The following ATP7B variants were observed in gnomAD, a reference collection of about 807,000 sequenced individuals.
ATP7B encodes the protein copper-transporting ATPase 2.
A neutral mutation model predicts 118.9 loss-of-function variants in ATP7B; 113 were observed. The ratio of observed to expected loss-of-function variants is 0.95; its 90% CI spans 0.82 to 1.11. The LOEUF is 1.11. Among genes scored for constraint, ATP7B ranks in the 50% most tolerant of loss-of-function variants. The probability of loss-of-function intolerance (pLI) is 0.00; values close to 1 mark genes in which losing one functional copy is unlikely to be tolerated. For synonymous variants in ATP7B, 777 were observed against 727.4 expected (o/e 1.07, Z -1.10); for missense variants, 1,867 against 1,871.4 (o/e 1.00, Z 0.04).
chr13:51,938,081 C>G (rs558375426), intron 17 of ATP7B, among the ~76,000 whole-genome samples: 2 of 152,272 alleles, frequency 1.3e-5, no homozygotes, highest in Admixed American at 1.3e-4. Context: ...GGTCTGCTTC[C>G]GAGGGTCCCA....
At chr13:51,962,164 C>T (rs543396141) in intron 5 of ATP7B, among the ~76,000 whole-genome samples, 1 of 152,308 alleles carries the variant, frequency 6.6e-6, no homozygotes, top group Admixed American at 6.5e-5. Flanking sequence ...ATAATTTAAA[C>T]TCAGCATTTT....
intron 12 of ATP7B, among the ~76,000 whole-genome samples, chr13:51,948,901 T>C (rs1425016838): frequency 6.6e-6 from 1 of 152,182 alleles, no homozygotes; most frequent in African/African-American, 2.4e-5. Flanking sequence ...TATTCACGCC[T>C]GGGTGCAGTG....
intron 7 of ATP7B, 106 bp downstream of exon 7, chr13:51,960,042 G>C: frequency 7.1e-7 from 1 of 1,413,804 alleles, no homozygotes; most frequent in Non-Finnish European, 1.0e-6. Context: ...GCAATAAAGT[G>C]CCATTTAAAC....
rs559730746 is a variant in ATP7B, at chr13:51,949,840, G to A, written c.2731-44C>T. On this transcript the variant is annotated intron_variant, in intron 11 of 20. Transcript: ENST00000242839. Reference sequence around the variant, plus strand: ...AAGACCATGGGAAATTACAACCTATGAAGAAATAAAACACCACAAGCATGG... The same window carrying A: ...AAGACCATGGGAAATTACAACCTATAAAGAAATAAAACACCACAAGCATGG... 1.2e-5 allele frequency: 19 copies of A among 1,613,604 alleles called. No individual in the cohort carries two copies. The South Asian group carries it at 1.8e-4, about 15-fold the overall frequency.
rs987141372 is a variant in ATP7B, at chr13:51,933,632, G to C, written c.*1124C>G. On this transcript the variant is annotated 3_prime_UTR_variant, in exon 21 of 21. Coordinates refer to ENST00000242839, the MANE Select transcript of ATP7B (RefSeq NM_000053.4). The stretch of plus-strand genomic sequence containing the variant: ...TGGCCACTCCTTTTCTGAAGCCCCT[G>C]GGCAGCGTGCAGAATGCAGGCTCAG... The C allele has an allele frequency of 8.5e-5, 13 of 152,148 alleles. No individual in the cohort carries two copies. Among genetic ancestry groups the C allele is most frequent in the African/African-American group, 1.9e-4 (8 of 41,400 alleles). The allele number at this position is 152,148 out of a possible 1,614,324, so 9.4% of individuals were successfully genotyped here. A position where few individuals can be genotyped will look rare whatever the true frequency, so the allele number is the denominator to read the frequency against.
chr13:51,998,173 C>T (rs1416939885), intron 1 of ATP7B, among the ~76,000 whole-genome samples: 4 of 152,148 alleles, frequency 2.6e-5, no homozygotes, highest in Non-Finnish European at 4.4e-5. Context: ...CTAATGTCAA[C>T]ATCAGGGTGC....
rs1390189868 is a variant in ATP7B at position 51,974,213 on chromosome 13, G to A, written c.1007C>T (p.Thr336Ile). The change falls in exon 2 of 21, where the codon ACA (threonine) becomes ATA (isoleucine). Residue 336 changes from threonine (T) to isoleucine (I), a missense_variant. Thr to Ile is a moderately conservative substitution (Grantham distance 89). Coordinates refer to ENST00000242839, the MANE Select transcript of ATP7B (RefSeq NM_000053.4). Reference protein sequence around the residue: ...SLPDGAEGSGTDHRSSSSHSP... With the variant: ...SLPDGAEGSGIDHRSSSSHSP... ...ATGAGAACTGGAAGACCTGTGATCT[G>A]TCCCACTCCCTTCGGCTCCATCAGG... 1 of 1,614,064 alleles carries A rather than the reference G, an allele frequency of 6.2e-7. No homozygotes were observed.
rs2138578550 is a variant in ATP7B at position 51,937,559 on chromosome 13, C to T, written c.3820G>A (p.Ala1274Thr). Reference sequence around the variant, plus strand: ...ACACCCATGTCTGCCTGGGCCAAGGCCGGGGAGTCATTGACCCCATCCCCC... The same window carrying T: ...ACACCCATGTCTGCCTGGGCCAAGGTCGGGGAGTCATTGACCCCATCCCCC... ...MVGDGVNDSP[A>T]LAQADMGVAI... Residue 1274 changes from alanine to threonine, a missense_variant, in exon 18 of 21, where the codon GCC becomes ACC. Physicochemically the swap from Ala to Thr is moderately conservative, Grantham distance 58 (BLOSUM62 0). Transcript: ENST00000242839. 1 of 1,614,268 alleles carries T rather than the reference C, an allele frequency of 6.2e-7. No homozygotes were observed. Among genetic ancestry groups the T allele is most frequent in the Non-Finnish European group, 8.5e-7 (1 of 1,180,054 alleles).
chr13:51,944,050 A>G (rs1207762472), intron 14 of ATP7B, 59 bp downstream of exon 14: 3 of 1,606,044 alleles, frequency 1.9e-6, no homozygotes, highest in African/African-American at 1.3e-5. Context: ...AGAGAAGGAC[A>G]TGGTGAGGAA....
At chr13:51,992,979 C>CAAAAAAA (rs58319382) in intron 1 of ATP7B, among the ~76,000 whole-genome samples, 5 of 62,940 alleles carry the variant, frequency 7.9e-5, no homozygotes, top group Non-Finnish European at 1.3e-4. Context: ...GACTCTGTCT[C>CAAAAAAA]AAAAAAAAAA....
intron 17 of ATP7B, 96 bp downstream of exon 17, chr13:51,938,952 GAGC>G: frequency 6.4e-7 from 1 of 1,570,642 alleles, no homozygotes; most frequent in South Asian, 1.1e-5. Context: ...AAGGGAGAAA[GAGC>G]AGGAGTACAG....
intron 1 of ATP7B, among the ~76,000 whole-genome samples, chr13:51,979,894 A>G (rs546880409): frequency 3.2e-4 from 48 of 152,214 alleles, no homozygotes; most frequent in Non-Finnish European, 5.9e-4. Context: ...CCCCCTTTCT[A>G]GACAGGCAGG....
chr13:51,938,940 G>C (rs1957141831), intron 17 of ATP7B, 111 bp downstream of exon 17: 1 of 1,538,060 alleles, frequency 6.5e-7, no homozygotes, highest in Non-Finnish European at 9.0e-7. Context: ...AAAGCATCCA[G>C]CAAGGGAGAA....
At chr13:51,938,805 G>A (rs1414520958) in intron 17 of ATP7B, among the ~76,000 whole-genome samples, 1 of 152,206 alleles carries the variant, frequency 6.6e-6, no homozygotes, top group Non-Finnish European at 1.5e-5. Context: ...GAAACGGTTA[G>A]AGAACCCTGG....
chr13:51,956,914 C>T (rs1321446911), intron 9 of ATP7B, among the ~76,000 whole-genome samples: 1 of 152,118 alleles, frequency 6.6e-6, no homozygotes, highest in South Asian at 2.1e-4. Context: ...CCTGTGTGAC[C>T]TTGGGCCAGT....
intron 6 of ATP7B, 138 bp downstream of exon 6, chr13:51,961,699 G>A (rs1958754602): frequency 1.2e-6 from 1 of 820,572 alleles, no homozygotes; most frequent in Non-Finnish European, 2.1e-6. Flanking sequence ...TGTTTCAGAG[G>A]GTTCACATTA....
chr13:51,973,643 A>C (rs1951948184), intron 2 of ATP7B, among the ~76,000 whole-genome samples: 1 of 152,252 alleles, frequency 6.6e-6, no homozygotes, highest in Admixed American at 6.5e-5. Context: ...AGTAACTATA[A>C]GAAACAAATT....
chr13:51,984,579 T>C (rs1413156496), intron 1 of ATP7B, among the ~76,000 whole-genome samples: 1 of 151,686 alleles, frequency 6.6e-6, no homozygotes, highest in Non-Finnish European at 1.5e-5. Context: ...ACAAAGATAC[T>C]CCTCAAGAAG....
intron 1 of ATP7B, among the ~76,000 whole-genome samples, chr13:52,009,761 C>A (rs1953936902): frequency 6.6e-6 from 1 of 152,038 alleles, no homozygotes; most frequent in Non-Finnish European, 1.5e-5. Flanking sequence ...TTCATGAGGG[C>A]AAGGTCTCGG....
Sources: allele counts gnomAD v4.1 joint callset (sites outside exome capture counted in the v4.1 genomes callset), GRCh38; gene constraint gnomAD v4.1.1; transcripts MANE v1.5; gene names NCBI Gene and HGNC (gene_info 2026-07-23, HGNC 2026-07-21).